Variants in TPM3 observed in about 807,000 individuals in gnomAD.
TPM3 encodes tropomyosin alpha-3 chain.
Under a neutral mutation model 43.1 loss-of-function variants are expected in TPM3, and 16 were observed. The ratio of observed to expected loss-of-function variants is 0.37; its 90% CI spans 0.25 to 0.56. The LOEUF is 0.56. Ranked by LOEUF, TPM3 falls within the 20% of genes least tolerant of loss-of-function variation. TPM3 has a pLI of 0.77. For synonymous variants in TPM3, 101 were observed against 116.9 expected, an observed-to-expected ratio of 0.86 and a Z score of 0.88; for missense variants, 176 against 337.2, an observed-to-expected ratio of 0.52 and a Z score of 3.74.
At chr1:154,177,792 G>A (rs1461375565) in intron 2 of TPM3, among the ~76,000 whole-genome samples, 1 of 152,128 alleles carries the variant, frequency 6.6e-6, no homozygotes, top group Non-Finnish European at 1.5e-5. Flanking sequence ...ATCAGGACTG[G>A]CACAAAAACT....
intron 3 of TPM3, among the ~76,000 whole-genome samples, chr1:154,174,677 CAG>C (rs1662098422): frequency 6.6e-6 from 1 of 150,840 alleles, no homozygotes; most frequent in African/African-American, 2.4e-5. Flanking sequence ...GTACTTTTAC[CAG>C]AGACTGGATT....
chr1:154,176,501 G>T (rs1469761283), intron 2 of TPM3, among the ~76,000 whole-genome samples: 3 of 152,020 alleles, frequency 2.0e-5, no homozygotes, highest in Non-Finnish European at 4.4e-5. Context: ...GCCCAGCCCA[G>T]TGAGTTAGTA....
chr1:154,191,049 G>A, intron 2 of TPM3, 137 bp downstream of exon 2: 1 of 1,345,738 alleles, frequency 7.4e-7, no homozygotes. Context: ...ACCAGCATGT[G>A]GTTATATGCA....
At chr1:154,191,775 G>T (rs1663690049) in intron 1 of TPM3, 127 bp downstream of exon 1, 2 of 1,585,730 alleles carry the variant, frequency 1.3e-6, no homozygotes, top group East Asian at 4.5e-5. Context: ...CTCCAGTGAG[G>T]CTGGGGAGTC....
At chr1:154,181,280 G>C (rs945431429) in intron 2 of TPM3, among the ~76,000 whole-genome samples, 5 of 152,144 alleles carry the variant, frequency 3.3e-5, no homozygotes, top group African/African-American at 1.2e-4. Flanking sequence ...CAATCTTTAA[G>C]TATTTAAACT....
rs765071258 is a variant in TPM3, at chr1:154,191,201, C to T, written c.228G>A (p.Glu76=). The change falls in exon 2 of 10, where the codon GAG becomes GAA. Residue 76 remains glutamate (E), a synonymous_variant. Coordinates refer to ENST00000651641, the MANE Select transcript of TPM3 (RefSeq NM_152263.4). The part of the protein sequence containing the change: ...KDAQEKLELA[E]KKAADAEAEV... ...TAATACTCACATCAGCAGCCTTCTT[C>T]TCTGCCAGTTCCAGCTTCTCCTGGG... 8.1e-6 allele frequency: 13 copies of T among 1,614,190 alleles called. No individual in the cohort carries two copies. In the South Asian group the frequency reaches 1.4e-4, roughly 18 times the overall value.
intron 2 of TPM3, among the ~76,000 whole-genome samples, chr1:154,185,817 C>T (rs1227678308): frequency 2.0e-5 from 3 of 151,532 alleles, no homozygotes; most frequent in Admixed American, 1.3e-4. Flanking sequence ...GTTATCTTCC[C>T]TCTTATTTCT....
chr1:154,158,945 A>G (rs191314376), downstream of TPM3: 52 of 779,814 alleles, frequency 6.7e-5, no homozygotes, highest in East Asian at 1.3e-3. Context: ...GCTCAGTTTA[A>G]TGGGCATCAT....
At chr1:154,157,515 G>A, downstream of TPM3, 1 of 762,386 alleles carries the variant, frequency 1.3e-6, no homozygotes, top group Non-Finnish European at 2.4e-6. Context: ...AGGGGGTGGT[G>A]AAAGGAGAAA....
At chr1:154,190,703 A>G (rs1663643147) in intron 2 of TPM3, among the ~76,000 whole-genome samples, 1 of 152,182 alleles carries the variant, frequency 6.6e-6, no homozygotes. Flanking sequence ...AAATAAACCC[A>G]TATATGGCCA....
At chr1:154,157,577 G>T, downstream of TPM3, 1 of 769,352 alleles carries the variant, frequency 1.3e-6, no homozygotes. Flanking sequence ...CTTCCCGCAG[G>T]CTGGCCTCAG....
chr1:154,187,685 TA>T (rs1478177709), intron 2 of TPM3, among the ~76,000 whole-genome samples: 1 of 151,548 alleles, frequency 6.6e-6, no homozygotes. Context: ...GATTTTGATG[TA>T]TTGCGTACAG....
intron 5 of TPM3, chr1:154,172,302 A>G (rs1661676283): frequency 1.4e-6 from 1 of 722,538 alleles, no homozygotes; most frequent in Non-Finnish European, 2.6e-6. Flanking sequence ...ATATGCATTC[A>G]GCACTGACTT....
At chr1:154,171,539 TA>T (rs1436249564) in intron 5 of TPM3, 51 bp from the exon 6 acceptor site, 6 of 1,590,236 alleles carry the variant, frequency 3.8e-6, no homozygotes, top group South Asian at 3.3e-5. Flanking sequence ...AGGAAGAGAA[TA>T]AAAAAAGGGA....
chr1:154,182,788 C>T (rs1168528016), intron 2 of TPM3, among the ~76,000 whole-genome samples: 1 of 152,162 alleles, frequency 6.6e-6, no homozygotes, highest in Non-Finnish European at 1.5e-5. Flanking sequence ...AAGGTCAAGC[C>T]TGCTCGCCCG....
At chr1:154,190,668 G>A (rs1450178009) in intron 2 of TPM3, among the ~76,000 whole-genome samples, 3 of 152,184 alleles carry the variant, frequency 2.0e-5, no homozygotes, top group African/African-American at 7.2e-5. Context: ...ATGGCATAAA[G>A]GCAAATGCCT....
intron 9 of TPM3, among the ~76,000 whole-genome samples, chr1:154,169,008 G>T (rs532511848): frequency 1.3e-5 from 2 of 149,284 alleles, no homozygotes; most frequent in East Asian, 4.0e-4. Context: ...GCTACTTTTT[G>T]TATTTTTAGT....
chr1:154,182,047 A>G (rs1397231005), intron 2 of TPM3, among the ~76,000 whole-genome samples: 1 of 152,170 alleles, frequency 6.6e-6, no homozygotes, highest in Non-Finnish European at 1.5e-5. Context: ...TCTCCACCAA[A>G]TTGCCCAAGT....
Position 154,167,766 on chromosome 1 carries a change from T to C in TPM3, c.*171A>G. 1 of 1,514,996 alleles carries C rather than the reference T, an allele frequency of 6.6e-7. No homozygotes were observed. Among genetic ancestry groups the C allele is most frequent in the East Asian group, 2.4e-5 (1 of 42,268 alleles). 93.8% of individuals were successfully genotyped at this position (1,514,996 alleles called of 1,614,324 possible). A position where few individuals can be genotyped will look rare whatever the true frequency, so the allele number is the denominator to read the frequency against. ...ATGAGGTTTCCAGCAGCTTAACATT[T>C]TAATTTGGGGTGGGGGTGGAAGAAA... On this transcript the variant is annotated 3_prime_UTR_variant, in exon 10 of 10. Transcript: ENST00000651641.
Sources: allele counts gnomAD v4.1 joint callset (sites outside exome capture counted in the v4.1 genomes callset), GRCh38; gene constraint gnomAD v4.1.1; transcripts MANE v1.5; gene names NCBI Gene and HGNC (gene_info 2026-07-23, HGNC 2026-07-21).